AHI1: variants seen among roughly 807,000 people sequenced by gnomAD.
The protein encoded by AHI1 is Abelson helper integration site 1.
A neutral mutation model predicts 149.3 loss-of-function variants in AHI1; 123 were observed. That is an observed-to-expected ratio of 0.82 (90% CI 0.71 to 0.96). The LOEUF (loss-of-function observed/expected upper bound fraction) is 0.96. AHI1 is among the 40% of genes least tolerant of loss of function. The probability of loss-of-function intolerance (pLI) is 0.00; values close to 1 mark genes in which losing one functional copy is unlikely to be tolerated. For synonymous variants in AHI1, 475 were observed against 459.8 expected, an observed-to-expected ratio of 1.03 and a Z score of -0.42; for missense variants, 1,439 against 1,422.7, an observed-to-expected ratio of 1.01 and a Z score of -0.18.
At chr6:135,362,826 C>T (rs1311822739) in intron 23 of AHI1, among the ~76,000 whole-genome samples, 1 of 152,046 alleles carries the variant, frequency 6.6e-6, no homozygotes, top group Non-Finnish European at 1.5e-5. Context: ...TCTCTGTTTA[C>T]TCTGCTGATT....
rs535896784 is a variant in AHI1 at position 135,333,145 on chromosome 6, T to C, written c.3166-9821A>G. Among the ~76,000 whole-genome samples the C allele has an allele frequency of 5.9e-5, 9 of 152,318 alleles. No individual in the cohort carries two copies. In the East Asian group the frequency reaches 1.7e-3, roughly 29 times the overall value. On this transcript the variant is annotated intron_variant, in intron 24 of 28. Transcript: ENST00000265602. ...TCCTTAGGATTACTGGTACAATTATTACCATTTAATATAGAGCCAAATATA... is the reference window on the plus strand; with the variant it reads ...TCCTTAGGATTACTGGTACAATTATCACCATTTAATATAGAGCCAAATATA...
At chr6:135,340,826 A>G (rs1422472235) in intron 24 of AHI1, among the ~76,000 whole-genome samples, 1 of 151,174 alleles carries the variant, frequency 6.6e-6, no homozygotes, top group Non-Finnish European at 1.5e-5. Flanking sequence ...CAAAGGAGGC[A>G]GAAGGGAAAT....
chr6:135,388,962 A>C (rs1356307124), intron 23 of AHI1, among the ~76,000 whole-genome samples: 2 of 151,704 alleles, frequency 1.3e-5, no homozygotes, highest in Non-Finnish European at 2.9e-5. Context: ...CAGCGAGCTG[A>C]GACCGCGCCA....
chr6:135,483,075 T>C (rs929653148), intron 5 of AHI1, among the ~76,000 whole-genome samples: 1 of 150,808 alleles, frequency 6.6e-6, no homozygotes, highest in African/African-American at 2.4e-5. Context: ...TTTTTTTGTA[T>C]TTTTAGTAGA....
At chr6:135,494,633 C>T (rs1052840147) in intron 3 of AHI1, among the ~76,000 whole-genome samples, 2 of 152,092 alleles carry the variant, frequency 1.3e-5, no homozygotes, top group East Asian at 1.9e-4. Flanking sequence ...ATTACTGTCA[C>T]GTGTGTGTGT....
At chr6:135,431,355 C>T (rs1320308767) in intron 16 of AHI1, 41 bp from the exon 17 acceptor site, 2 of 1,272,392 alleles carry the variant, frequency 1.6e-6, no homozygotes, top group Non-Finnish European at 2.2e-6. Context: ...GAATGTCACA[C>T]AGAGTTAGAA....
chr6:135,395,083 T>A (rs764908991), intron 22 of AHI1, among the ~76,000 whole-genome samples, 187 bp from the exon 23 acceptor site: 2 of 152,026 alleles, frequency 1.3e-5, no homozygotes, highest in Non-Finnish European at 2.9e-5. Context: ...GAAAAAAATA[T>A]AATAGTAATT....
intron 24 of AHI1, among the ~76,000 whole-genome samples, chr6:135,346,484 G>T (rs1791245033): frequency 6.6e-6 from 1 of 152,158 alleles, no homozygotes; most frequent in African/African-American, 2.4e-5. Flanking sequence ...ACAGGCGTGA[G>T]CCATCATGCC....
At chr6:135,420,018 A>G (rs546001384) in intron 20 of AHI1, among the ~76,000 whole-genome samples, 1 of 152,248 alleles carries the variant, frequency 6.6e-6, no homozygotes, top group Admixed American at 6.6e-5. Context: ...CAACTCATCC[A>G]TTCTAGTTTA....
At chr6:135,496,803 T>C (rs1796025287) in intron 2 of AHI1, among the ~76,000 whole-genome samples, 1 of 152,234 alleles carries the variant, frequency 6.6e-6, no homozygotes, top group African/African-American at 2.4e-5. Flanking sequence ...AGATTCTTCA[T>C]AAGTAAACAA....
At chr6:135,378,170 T>C (rs1284781235) in intron 23 of AHI1, among the ~76,000 whole-genome samples, 1 of 152,226 alleles carries the variant, frequency 6.6e-6, no homozygotes, top group Non-Finnish European at 1.5e-5. Flanking sequence ...TTGTTAGATA[T>C]GTGATCTTGG....
chr6:135,427,334 G>A lies in AHI1; in HGVS notation c.2624-27C>T, dbSNP rs758521575. On this transcript the variant is annotated intron_variant, in intron 19 of 28. Coordinates refer to ENST00000265602, the MANE Select transcript of AHI1 (RefSeq NM_001134831.2). ...TAAATAAAAAGAGAGATTCAAAAAT[G>A]TATATCAGAGCATATCTGTATCGAT... The A allele has an allele frequency of 5.0e-6, 8 of 1,587,962 alleles. No homozygotes were observed. In the East Asian group the frequency reaches 1.6e-4, roughly 31 times the overall value.
chr6:135,371,640 T>A (rs1775077339), intron 23 of AHI1, among the ~76,000 whole-genome samples: 2 of 152,252 alleles, frequency 1.3e-5, no homozygotes, highest in South Asian at 4.1e-4. Flanking sequence ...TTTCAACTAA[T>A]CTTCTATGTG....
intron 20 of AHI1, among the ~76,000 whole-genome samples, chr6:135,418,037 T>C (rs1452028639): frequency 6.6e-6 from 1 of 150,686 alleles, no homozygotes; most frequent in Non-Finnish European, 1.5e-5. Flanking sequence ...AACTCTTTCT[T>C]CATTTTGTCA....
chr6:135,427,075 T>C, intron 20 of AHI1, 92 bp downstream of exon 20: 2 of 1,295,880 alleles, frequency 1.5e-6, no homozygotes, highest in Admixed American at 2.3e-5. Flanking sequence ...ATGTGTACTT[T>C]TGTCAACATT....
At chr6:135,474,511 T>A (rs1792277332) in intron 5 of AHI1, 1 of 152,004 alleles carries the variant, frequency 6.6e-6, no homozygotes. Flanking sequence ...TTTTTTAGAC[T>A]AGTCAAATGC....
chr6:135,330,048 G>A (rs1788309141), intron 24 of AHI1, among the ~76,000 whole-genome samples: 1 of 152,170 alleles, frequency 6.6e-6, no homozygotes, highest in Non-Finnish European at 1.5e-5. Context: ...CAAAGAAAGT[G>A]GTTTCTTCAG....
intron 23 of AHI1, chr6:135,388,073 A>G (rs759963348): frequency 6.2e-7 from 1 of 1,609,322 alleles, no homozygotes; most frequent in Admixed American, 1.7e-5. Context: ...TGCATAATAA[A>G]AACATTTTTG....
chr6:135,372,520 A>G, intron 23 of AHI1, among the ~76,000 whole-genome samples: 1 of 37,118 alleles, frequency 2.7e-5, no homozygotes, highest in Non-Finnish European at 7.4e-5. Context: ...AAAAAAAAGA[A>G]AAAAAAAAAA....
Sources: gnomAD v4.1 joint callset for allele counts (sites outside exome capture counted in the v4.1 genomes callset) on GRCh38, gnomAD v4.1.1 for gene constraint, MANE v1.5 for transcripts, NCBI Gene and HGNC (gene_info 2026-07-23, HGNC 2026-07-21) for gene names.